Variants in SH3GL3 observed in about 807,000 individuals in gnomAD.
SH3GL3 encodes SH3 domain containing GRB2 like 3, endophilin A3, also known as endophilin-A3.
A neutral mutation model predicts 47.7 loss-of-function variants in SH3GL3; 33 were observed. That is an observed-to-expected ratio of 0.69 (90% CI 0.52 to 0.92). SH3GL3 has a LOEUF of 0.92. SH3GL3 is among the 40% of genes least tolerant of loss of function. The pLI, the probability that SH3GL3 is intolerant of heterozygous loss-of-function variation, is 0.00. For missense variants in SH3GL3, 363 were observed against 417.8 expected (o/e 0.87, Z 1.14); for synonymous variants, 155 against 148.8 (o/e 1.04, Z -0.30).
intron 1 of SH3GL3, among the ~76,000 whole-genome samples, chr15:83,472,637 C>T (rs1261324373): frequency 1.3e-5 from 2 of 152,108 alleles, no homozygotes; most frequent in Admixed American, 6.6e-5. Flanking sequence ...ACAGTGGCTT[C>T]TTGGCTTCTT....
At chr15:83,503,792 G>C (rs2042381841) in intron 1 of SH3GL3, among the ~76,000 whole-genome samples, 1 of 152,182 alleles carries the variant, frequency 6.6e-6, no homozygotes, top group Non-Finnish European at 1.5e-5. Context: ...AAGTTGCTGA[G>C]TCAGCACTGG....
intron 1 of SH3GL3, among the ~76,000 whole-genome samples, chr15:83,456,858 C>T (rs1442517273): frequency 6.6e-6 from 1 of 152,204 alleles, no homozygotes; most frequent in African/African-American, 2.4e-5. Flanking sequence ...TTTTCAAGTG[C>T]ATAGTTAAAT....
At chr15:83,588,339 C>T (rs902466925) in intron 7 of SH3GL3, among the ~76,000 whole-genome samples, 1 of 152,138 alleles carries the variant, frequency 6.6e-6, no homozygotes, top group African/African-American at 2.4e-5. Context: ...CCATGTTGGC[C>T]AGGCTGATCT....
chr15:83,496,568 C>G (rs905406540), intron 1 of SH3GL3, among the ~76,000 whole-genome samples: 8 of 152,064 alleles, frequency 5.3e-5, no homozygotes, highest in African/African-American at 1.9e-4. Flanking sequence ...GTCTTTCGGG[C>G]TTAGGTGTTA....
intron 1 of SH3GL3, among the ~76,000 whole-genome samples, chr15:83,450,790 C>CTTTTTTTTTTTTTTTATTTTTTTTTTTT (rs11389151): frequency 2.2e-5 from 1 of 45,360 alleles, no homozygotes; most frequent in Non-Finnish European, 3.7e-5. Flanking sequence ...TATAGATTTT[C>CTTTTTTTTTTTTTTTATTTTTTTTTTTT]TTTTTTTTTT....
At chr15:83,584,074 C>A (rs998911926) in intron 6 of SH3GL3, among the ~76,000 whole-genome samples, 7 of 152,164 alleles carry the variant, frequency 4.6e-5, no homozygotes, top group Non-Finnish European at 8.8e-5. Context: ...AGCCTAGAGT[C>A]CTAAAATCAA....
At chr15:83,509,496 C>T (rs1180642269) in intron 1 of SH3GL3, among the ~76,000 whole-genome samples, 1 of 152,102 alleles carries the variant, frequency 6.6e-6, no homozygotes, top group African/African-American at 2.4e-5. Context: ...ATTTATTGCT[C>T]AATAGTGGGA....
At chr15:83,523,109 G>C (rs1455139420) in intron 1 of SH3GL3, among the ~76,000 whole-genome samples, 1 of 152,184 alleles carries the variant, frequency 6.6e-6, no homozygotes, top group Non-Finnish European at 1.5e-5. Flanking sequence ...CAGTTGTAAA[G>C]TGTTGAGCAA....
chr15:83,585,375 ATG>A (rs2059929054), intron 6 of SH3GL3, among the ~76,000 whole-genome samples: 1 of 152,148 alleles, frequency 6.6e-6, no homozygotes, highest in East Asian at 1.9e-4. Flanking sequence ...AACCCCAAAT[ATG>A]TTTCAAGAAA....
intron 8 of SH3GL3, among the ~76,000 whole-genome samples, chr15:83,607,568 G>T (rs1000012698): frequency 2.0e-5 from 3 of 152,176 alleles, no homozygotes; most frequent in Non-Finnish European, 4.4e-5. Context: ...CTTTCTGAAG[G>T]GGGTGGCCGA....
intron 1 of SH3GL3, among the ~76,000 whole-genome samples, chr15:83,511,323 A>G (rs1323172267): frequency 6.6e-6 from 1 of 152,158 alleles, no homozygotes; most frequent in Non-Finnish European, 1.5e-5. Flanking sequence ...GTGTGCAGTC[A>G]CAGAACCCTC....
chr15:83,533,850 T>C (rs2043792158), intron 1 of SH3GL3, among the ~76,000 whole-genome samples: 1 of 152,204 alleles, frequency 6.6e-6, no homozygotes, highest in South Asian at 2.1e-4. Context: ...GGTGTCCCAT[T>C]TCCTTGCTGA....
intron 7 of SH3GL3, among the ~76,000 whole-genome samples, chr15:83,587,669 G>C (rs2059990754): frequency 6.6e-6 from 1 of 151,978 alleles, no homozygotes; most frequent in South Asian, 2.1e-4. Context: ...GGTATTGAAA[G>C]AGTCAAAAAT....
intron 1 of SH3GL3, among the ~76,000 whole-genome samples, chr15:83,518,759 C>T (rs2043091951): frequency 6.6e-6 from 1 of 152,108 alleles, no homozygotes; most frequent in African/African-American, 2.4e-5. Flanking sequence ...TCCCACTGCT[C>T]AAGTTTTTGT....
rs766218124 is a variant in SH3GL3, at chr15:83,534,817, TTTG to T, written c.46-24424_46-24422del. ...AGCTTGATGCATAGAAGGCACTAAT[TTTG>T]TTGTTGTTGTTAAACAAATACCAGA... On this transcript the variant is annotated intron_variant, in intron 1 of 8. Transcript: ENST00000427482. Among the ~76,000 whole-genome samples, 99 of 152,268 alleles carry T rather than the reference TTTG, an allele frequency of 6.5e-4. 1 individual carries two copies. Among genetic ancestry groups the T allele is most frequent in the African/African-American group, 2.3e-3 (96 of 41,554 alleles).
chr15:83,594,615 G>A (rs72760384), intron 8 of SH3GL3, among the ~76,000 whole-genome samples: 18,449 of 152,162 alleles, frequency 0.12, 1,427 homozygotes, highest in South Asian at 0.24. Flanking sequence ...GGCCTCTCTT[G>A]CTGTGGCAGC....
chr15:83,584,912 CT>C (rs2059919442), intron 6 of SH3GL3, among the ~76,000 whole-genome samples: 1 of 152,166 alleles, frequency 6.6e-6, no homozygotes, highest in Non-Finnish European at 1.5e-5. Flanking sequence ...GGTTTTGGCT[CT>C]TGCTAAGCCT....
At chr15:83,558,331 C>A (rs187121887) in intron 1 of SH3GL3, among the ~76,000 whole-genome samples, 1 of 152,226 alleles carries the variant, frequency 6.6e-6, no homozygotes, top group East Asian at 1.9e-4. Context: ...GTGCTCTGGG[C>A]GTTGCGTAAC....
intron 1 of SH3GL3, among the ~76,000 whole-genome samples, chr15:83,530,737 TTGA>T: frequency 6.6e-6 from 1 of 152,292 alleles, no homozygotes; most frequent in African/African-American, 2.4e-5. Context: ...TTTTCTTATG[TTGA>T]AACTACTAAA....
Sources: gnomAD v4.1 joint callset for allele counts (sites outside exome capture counted in the v4.1 genomes callset) on GRCh38, gnomAD v4.1.1 for gene constraint, MANE v1.5 for transcripts, NCBI Gene and HGNC (gene_info 2026-07-23, HGNC 2026-07-21) for gene names.